The following CHRM2 variants were observed in gnomAD, a reference collection of about 807,000 sequenced individuals.
CHRM2 encodes the protein muscarinic acetylcholine receptor M2.
A neutral mutation model predicts 25.0 loss-of-function variants in CHRM2; 8 were observed. That is an observed-to-expected ratio of 0.32 (90% confidence interval 0.19 to 0.58). The LOEUF (loss-of-function observed/expected upper bound fraction) is 0.58. CHRM2 is among the 20% of genes least tolerant of loss of function. The pLI is 0.88. For synonymous variants in CHRM2, 202 were observed against 205.7 expected, an observed-to-expected ratio of 0.98 and a Z score of 0.15; for missense variants, 440 against 567.1, an observed-to-expected ratio of 0.78 and a Z score of 2.28.
At position 137,016,408 on chromosome 7, in the gene CHRM2, C is replaced by CTT. The variant is rs1805192832; in HGVS notation, c.*142_*143insTT. ...GTGCAATTCAGGAGCCCAGCAGTGA[C>CTT]ACACTTATCACGCCTAGGCTCCAGT... On this transcript the variant is annotated 3_prime_UTR_variant, in exon 4 of 4. Transcript: ENST00000680005. 6 of 870,440 alleles carry CTT rather than the reference C, an allele frequency of 6.9e-6. No individual in the cohort carries two copies. In the Admixed American group the frequency reaches 1.1e-4, roughly 17 times the overall value. 53.9% of individuals were successfully genotyped at this position (870,440 alleles called of 1,614,324 possible). A position where few individuals can be genotyped will look rare whatever the true frequency, so the allele number is the denominator to read the frequency against.
Position 136,891,733 on chromosome 7 carries a change from T to G in CHRM2, c.-125+22315T>G, listed in dbSNP as rs181085720. ...ATGCCCTTTTCTGCCTTAAGGCTTC[T>G]GCTTAGAGTATATGCCCTATATTTT... is the stretch of plus-strand genomic sequence containing the variant. On this transcript the variant is annotated intron_variant, in intron 2 of 3. Coordinates refer to ENST00000680005, the MANE Select transcript of CHRM2 (RefSeq NM_001006630.2). Among the ~76,000 whole-genome samples, 2 of 152,352 alleles carry G rather than the reference T, an allele frequency of 1.3e-5. 1 individual carries two copies. The highest frequency in any genetic ancestry group is 1.3e-4 in the Admixed American group (2 of 15,306).
At chr7:136,904,359 C>T (rs1259841104) in intron 2 of CHRM2, among the ~76,000 whole-genome samples, 2 of 151,792 alleles carry the variant, frequency 1.3e-5, no homozygotes, top group East Asian at 1.9e-4. Flanking sequence ...TTTTCTATAT[C>T]TCTACTCATT....
Position 137,014,895 on chromosome 7 carries a change from T to C in CHRM2, c.30T>C (p.Asn10=). The change falls in exon 4 of 4, where the codon AAT becomes AAC. Residue 10 remains asparagine (N), a synonymous_variant. Transcript: ENST00000680005. MNNSTNSSN[N]SLALTSPYKT... ...ATAACTCAACAAACTCCTCTAACAA[T>C]AGCCTGGCTCTTACAAGTCCTTATA... The C allele has an allele frequency of 6.2e-7, 1 of 1,613,158 alleles. No homozygotes were observed. The highest frequency in any genetic ancestry group is 8.5e-7 in the Non-Finnish European group (1 of 1,179,472).
At chr7:136,947,248 C>T (rs1283909967) in intron 2 of CHRM2, among the ~76,000 whole-genome samples, 1 of 151,686 alleles carries the variant, frequency 6.6e-6, no homozygotes, top group Non-Finnish European at 1.5e-5. Context: ...GGGAAAGTAG[C>T]AGAGAAAGGA....
chr7:136,998,145 T>C (rs142507512), intron 3 of CHRM2, among the ~76,000 whole-genome samples: 7 of 152,116 alleles, frequency 4.6e-5, no homozygotes, highest in Non-Finnish European at 1.5e-5. Flanking sequence ...TGGAGCTAGA[T>C]TGAGAGAATT....
At chr7:136,936,867 T>A (rs949312636) in intron 2 of CHRM2, among the ~76,000 whole-genome samples, 1 of 152,208 alleles carries the variant, frequency 6.6e-6, no homozygotes, top group Non-Finnish European at 1.5e-5. Context: ...TTGAAAAGAC[T>A]CTAAATTAAG....
intron 2 of CHRM2, among the ~76,000 whole-genome samples, chr7:136,884,054 T>A (rs1796366402): frequency 6.6e-6 from 1 of 152,148 alleles, no homozygotes; most frequent in Admixed American, 6.6e-5. Context: ...AATGTATTTT[T>A]AAAAAATAAT....
chr7:136,993,785 A>G (rs1803388799), intron 3 of CHRM2, among the ~76,000 whole-genome samples: 1 of 152,202 alleles, frequency 6.6e-6, no homozygotes, highest in South Asian at 2.1e-4. Context: ...GTGAAAAAGT[A>G]AAATGAGGAA....
At chr7:136,954,707 T>G (rs1417290218) in intron 2 of CHRM2, among the ~76,000 whole-genome samples, 1 of 152,180 alleles carries the variant, frequency 6.6e-6, no homozygotes, top group African/African-American at 2.4e-5. Flanking sequence ...CTCCACTCTT[T>G]AACTGTGATT....
chr7:136,957,719 T>C (rs1298025173), intron 2 of CHRM2, among the ~76,000 whole-genome samples: 1 of 152,230 alleles, frequency 6.6e-6, no homozygotes, highest in Non-Finnish European at 1.5e-5. Context: ...GTTGCTATTT[T>C]TCCTGAACAT....
At chr7:137,002,997 GA>G (rs1485016728) in intron 3 of CHRM2, among the ~76,000 whole-genome samples, 1 of 152,134 alleles carries the variant, frequency 6.6e-6, no homozygotes, top group Non-Finnish European at 1.5e-5. Context: ...TCTAGATGTG[GA>G]AAGGGGGTCA....
At chr7:136,985,082 T>C (rs1369449853) in intron 2 of CHRM2, among the ~76,000 whole-genome samples, 4 of 152,158 alleles carry the variant, frequency 2.6e-5, no homozygotes, top group Admixed American at 2.0e-4. Context: ...ATTGCTGTTC[T>C]AGTATCATGG....
intron 2 of CHRM2, among the ~76,000 whole-genome samples, chr7:136,888,254 T>C (rs1796547241): frequency 6.6e-6 from 1 of 152,106 alleles, no homozygotes; most frequent in Non-Finnish European, 1.5e-5. Flanking sequence ...AAAGGCCTTA[T>C]TGTCTTAAAA....
chr7:136,970,391 G>A (rs762641684), intron 2 of CHRM2, among the ~76,000 whole-genome samples: 12 of 151,798 alleles, frequency 7.9e-5, no homozygotes, highest in South Asian at 4.2e-4. Flanking sequence ...AGATATACCC[G>A]TCCAATTTAT....
chr7:136,966,394 T>C (rs1242476649), intron 2 of CHRM2, among the ~76,000 whole-genome samples: 1 of 151,988 alleles, frequency 6.6e-6, no homozygotes, highest in Non-Finnish European at 1.5e-5. Flanking sequence ...AATGATGTTA[T>C]GTTAGTTCCT....
intron 2 of CHRM2, among the ~76,000 whole-genome samples, chr7:136,956,637 A>G (rs1054878119): frequency 6.6e-6 from 1 of 151,762 alleles, no homozygotes; most frequent in Non-Finnish European, 1.5e-5. Context: ...ATACTTTTTT[A>G]TTGTTAGAGC....
chr7:136,971,963 G>A (rs1027555669), intron 2 of CHRM2, among the ~76,000 whole-genome samples: 1 of 152,118 alleles, frequency 6.6e-6, no homozygotes, highest in African/African-American at 2.4e-5. Context: ...TGGTTGAACT[G>A]AAATAACTAT....
rs1373847134 is a variant in CHRM2 at position 137,014,835 on chromosome 7, T to G, written c.-31T>G. On this transcript the variant is annotated 5_prime_UTR_variant, in exon 4 of 4. Coordinates refer to ENST00000680005, the MANE Select transcript of CHRM2 (RefSeq NM_001006630.2). ...TTCCTTGCAGGTTTAAATGTTTATT[T>G]GCTACTTGGCTACTGATTAGAGAAC... 1.3e-6 allele frequency: 2 copies of G among 1,577,090 alleles called. No individual in the cohort carries two copies. The highest frequency in any genetic ancestry group is 4.5e-5 in the East Asian group (2 of 44,450).
intron 3 of CHRM2, among the ~76,000 whole-genome samples, chr7:137,005,876 T>C (rs1033896431): frequency 2.0e-5 from 3 of 152,070 alleles, no homozygotes; most frequent in African/African-American, 7.2e-5. Flanking sequence ...CAAAACAAAA[T>C]TCTAAAAGCC....
Sources: allele counts gnomAD v4.1 joint callset (sites outside exome capture counted in the v4.1 genomes callset), GRCh38; gene constraint gnomAD v4.1.1; transcripts MANE v1.5; gene names NCBI Gene and HGNC (gene_info 2026-07-23, HGNC 2026-07-21).